The following IGF2R variants were observed in gnomAD, a reference collection of about 807,000 sequenced individuals.
IGF2R encodes the protein insulin like growth factor 2 receptor.
IGF2R carries 91 observed loss-of-function variants against 270.6 expected under a neutral mutation model. That is an observed-to-expected ratio of 0.34 (90% CI 0.28 to 0.40). The LOEUF is 0.40. Ranked by LOEUF, IGF2R falls within the 10% of genes least tolerant of loss-of-function variation. The pLI is 1.00. For synonymous variants in IGF2R, 1,316 were observed against 1,258.9 expected, an observed-to-expected ratio of 1.05 and a Z score of -0.96; for missense variants, 2,805 against 3,188.3, an observed-to-expected ratio of 0.88 and a Z score of 2.90.
In IGF2R at chr6:160,021,485, CTAATGCTAAATGACGAGT is replaced by C. The variant is rs565533255; in HGVS notation, c.514-3081_514-3064del. On this transcript the variant is annotated intron_variant, in intron 4 of 47. Coordinates refer to ENST00000356956, the MANE Select transcript of IGF2R (RefSeq NM_000876.4). ...GGAGGGATAGCATTAGGAGATATACCTAATGCTAAATGACGAGTTAATGGGTTCAGCACACCAACATGG... is the reference window on the plus strand; with the variant it reads ...GGAGGGATAGCATTAGGAGATATACCTAATGGGTTCAGCACACCAACATGG... 4.0e-5 allele frequency among the ~76,000 whole-genome samples: 6 copies of C among 149,926 alleles called. No individual in the cohort carries two copies. In the East Asian group the frequency reaches 1.2e-3, roughly 30 times the overall value.
intron 30 of IGF2R, among the ~76,000 whole-genome samples, chr6:160,069,635 C>T (rs888476072): frequency 1.3e-5 from 2 of 152,232 alleles, no homozygotes; most frequent in Non-Finnish European, 2.9e-5. Context: ...TATTCCTCTA[C>T]ACTCACGCCC....
chr6:160,059,618 C>T (rs935723689), intron 22 of IGF2R, among the ~76,000 whole-genome samples: 1 of 152,216 alleles, frequency 6.6e-6, no homozygotes, highest in African/African-American at 2.4e-5. Context: ...CATCATATCA[C>T]TTCCCAGCTC....
Position 160,020,520 on chromosome 6 carries a change from G to A in IGF2R, c.514-4052G>A, listed in dbSNP as rs557729524. 1.2e-4 allele frequency among the ~76,000 whole-genome samples: 19 copies of A among 152,218 alleles called. No homozygotes were observed. In the South Asian group the frequency reaches 4.0e-3, roughly 32 times the overall value. On this transcript the variant is annotated intron_variant, in intron 4 of 47. Transcript: ENST00000356956. ...TTAAGGAAAATGAACAAAGCTAGAG[G>A]CATCACAATACCCACCTACAGATTT...
Position 160,093,648 on chromosome 6 carries a change from G to A in IGF2R, c.6656-2791G>A, listed in dbSNP as rs147443479. 94 of 738,580 alleles carry A rather than the reference G, an allele frequency of 1.3e-4. 1 individual carries two copies. In the Admixed American group the frequency reaches 1.6e-3, roughly 12 times the overall value. 45.8% of individuals were successfully genotyped at this position (738,580 alleles called of 1,614,324 possible). A position where few individuals can be genotyped will look rare whatever the true frequency, so the allele number is the denominator to read the frequency against. ...GAGGGAGAGGACCAGGTAAACTTCC[G>A]TGGATTCCTGCAAACTCTGGCTCAT... On this transcript the variant is annotated intron_variant, in intron 44 of 47. Transcript: ENST00000356956.
chr6:160,028,937 TCTTTC>T (rs1435124618), intron 6 of IGF2R, among the ~76,000 whole-genome samples: 3 of 152,178 alleles, frequency 2.0e-5, no homozygotes, highest in African/African-American at 7.2e-5. Flanking sequence ...GTTCCTTTTC[TCTTTC>T]CTTATTCTAG....
intron 4 of IGF2R, among the ~76,000 whole-genome samples, chr6:160,022,463 T>A (rs1460935407): frequency 6.6e-6 from 1 of 152,218 alleles, no homozygotes; most frequent in Non-Finnish European, 1.5e-5. Context: ...GGTTTCTTGA[T>A]GTTTTTTAAA....
At chr6:159,993,145 T>C (rs1784003355) in intron 2 of IGF2R, among the ~76,000 whole-genome samples, 1 of 152,224 alleles carries the variant, frequency 6.6e-6, no homozygotes. Flanking sequence ...AGATTCTGGA[T>C]GTTAGTCCTT....
At chr6:160,045,127 T>A (rs974096095) in intron 13 of IGF2R, among the ~76,000 whole-genome samples, 3 of 152,376 alleles carry the variant, frequency 2.0e-5, no homozygotes, top group Admixed American at 2.0e-4. Context: ...TAGTATTTTG[T>A]AAATACTTTT....
At chr6:160,038,286 C>T (rs1323509306) in intron 10 of IGF2R, among the ~76,000 whole-genome samples, 1 of 152,132 alleles carries the variant, frequency 6.6e-6, no homozygotes, top group Non-Finnish European at 1.5e-5. Context: ...AACCATAGGC[C>T]TCATGAATAG....
intron 4 of IGF2R, among the ~76,000 whole-genome samples, chr6:160,017,162 A>G (rs1332055666): frequency 6.6e-6 from 1 of 152,236 alleles, no homozygotes; most frequent in Admixed American, 6.5e-5. Flanking sequence ...TACCAAAGAG[A>G]TGTTTTAAAA....
Position 160,024,655 on chromosome 6 carries a change from T to G in IGF2R, c.597T>G (p.Asp199Glu). The G allele has an allele frequency of 1.2e-6, 2 of 1,614,184 alleles. No homozygotes were observed. The highest frequency in any genetic ancestry group is 1.7e-6 in the Non-Finnish European group (2 of 1,180,022). The change falls in exon 5 of 48, where the codon GAT (aspartate) becomes GAG (glutamate). Residue 199 changes from aspartate to glutamate, a missense_variant. Asp to Glu is a conservative substitution (Grantham distance 45, BLOSUM62 2). Transcript: ENST00000356956. ...LIKLSGAYLV[D>E]DSDPDTSLFI... Reference sequence around the variant, plus strand: ...AGCTTAGTGGTGCCTACTTGGTGGATGACTCCGATCCGGACACTTCTCTAT... The same window carrying G: ...AGCTTAGTGGTGCCTACTTGGTGGAGGACTCCGATCCGGACACTTCTCTAT...
intron 4 of IGF2R, among the ~76,000 whole-genome samples, chr6:160,014,723 T>TA (rs1333195918): frequency 6.6e-6 from 1 of 152,230 alleles, no homozygotes; most frequent in Non-Finnish European, 1.5e-5. Flanking sequence ...CCTCTTGGGT[T>TA]AATGTTTTCA....
intron 2 of IGF2R, 48 bp from the exon 3 acceptor site, chr6:160,008,962 G>T: frequency 6.3e-7 from 1 of 1,593,544 alleles, no homozygotes; most frequent in South Asian, 1.1e-5. Flanking sequence ...ATAGCTGTTT[G>T]GTTATGTATG....
intron 4 of IGF2R, among the ~76,000 whole-genome samples, chr6:160,011,213 T>C (rs571231273): frequency 6.6e-6 from 1 of 152,334 alleles, no homozygotes; most frequent in East Asian, 1.9e-4. Flanking sequence ...ATAAGTCTCC[T>C]TTACCTGTTT....
In IGF2R at chr6:160,106,411, C is replaced by T. The variant is rs1779623156; in HGVS notation, c.*1327C>T. On this transcript the variant is annotated 3_prime_UTR_variant, in exon 48 of 48. Coordinates refer to ENST00000356956, the MANE Select transcript of IGF2R (RefSeq NM_000876.4). ...AAGCAAACCGCCCTGCAGCATCCCTCAGCCTGTACCGGTTTGGCTGGCTTG... is the reference window on the plus strand; with the variant it reads ...AAGCAAACCGCCCTGCAGCATCCCTTAGCCTGTACCGGTTTGGCTGGCTTG... The T allele has an allele frequency of 6.6e-6, 1 of 152,600 alleles. No homozygotes were observed. Among genetic ancestry groups the T allele is most frequent in the Non-Finnish European group, 1.5e-5 (1 of 68,026 alleles). The allele number at this position is 152,600 out of a possible 1,614,324, so 9.5% of individuals were successfully genotyped here. A position where few individuals can be genotyped will look rare whatever the true frequency, so the allele number is the denominator to read the frequency against.
chr6:159,991,334 C>G lies in IGF2R; in HGVS notation c.289+11C>G. On this transcript the variant is annotated intron_variant, in intron 2 of 47. Transcript: ENST00000356956. ...CTTATCATTCAGTGGGTAAGTAGAA[C>G]TACCTGAAATTACTGGATTGGCAAT... is the stretch of plus-strand genomic sequence containing the variant. The G allele has an allele frequency of 1.9e-6, 3 of 1,604,454 alleles. No individual in the cohort carries two copies. The African/African-American group carries it at 4.0e-5, about 21-fold the overall frequency.
intron 39 of IGF2R, among the ~76,000 whole-genome samples, chr6:160,081,290 G>A (rs774781261): frequency 2.1e-4 from 32 of 152,196 alleles, no homozygotes; most frequent in South Asian, 1.2e-3. Context: ...GCTGGTGTCC[G>A]GGGGAGACAT....
chr6:159,977,807 G>A (rs1269861963), intron 1 of IGF2R, among the ~76,000 whole-genome samples: 2 of 151,122 alleles, frequency 1.3e-5, no homozygotes, highest in African/African-American at 4.9e-5. Context: ...TGCTAACCAT[G>A]TTTGTAGGCT....
intron 2 of IGF2R, 49 bp from the exon 3 acceptor site, chr6:160,008,961 T>G (rs770768640): frequency 1.9e-6 from 3 of 1,592,886 alleles, no homozygotes; most frequent in East Asian, 2.2e-5. Context: ...AATAGCTGTT[T>G]GGTTATGTAT....
Sources: allele counts gnomAD v4.1 joint callset (sites outside exome capture counted in the v4.1 genomes callset), GRCh38; gene constraint gnomAD v4.1.1; transcripts MANE v1.5; gene names NCBI Gene and HGNC (gene_info 2026-07-23, HGNC 2026-07-21).